Variants in ADAM7 observed in about 807,000 individuals in gnomAD.
The protein encoded by ADAM7 is disintegrin and metalloproteinase domain-containing protein 7.
ADAM7 carries 97 observed loss-of-function variants against 102.9 expected under a neutral mutation model. The ratio of observed to expected loss-of-function variants is 0.94; its 90% CI spans 0.80 to 1.12. The LOEUF is 1.12. ADAM7 is among the 50% of genes most tolerant of loss of function. ADAM7 has a pLI of 0.00. For missense variants in ADAM7, 991 were observed against 908.7 expected (o/e 1.09, Z -1.16); for synonymous variants, 334 against 304.4 (o/e 1.10, Z -1.01).
At chr8:24,489,813 A>G (rs545851667) in intron 12 of ADAM7, among the ~76,000 whole-genome samples, 2 of 152,238 alleles carry the variant, frequency 1.3e-5, no homozygotes, top group Non-Finnish European at 2.9e-5. Flanking sequence ...GGTCTCTGGA[A>G]CATTTAGGAA....
intron 3 of ADAM7, among the ~76,000 whole-genome samples, chr8:24,462,919 T>C (rs1326052058): frequency 6.6e-6 from 1 of 152,178 alleles, no homozygotes; most frequent in Non-Finnish European, 1.5e-5. Flanking sequence ...GGGCATGTTT[T>C]CTATTAATGT....
Position 24,493,134 on chromosome 8 carries a change from A to C in ADAM7, c.1747A>C (p.Lys583Gln), listed in dbSNP as rs1203284842. The C allele has an allele frequency of 3.1e-6, 5 of 1,613,566 alleles. No homozygotes were observed. The South Asian group carries it at 5.5e-5, about 18-fold the overall frequency. The change falls in exon 16 of 22, where the codon AAG becomes CAG. Residue 583 changes from lysine to glutamine, a missense_variant. Coordinates refer to ENST00000175238, the MANE Select transcript of ADAM7 (RefSeq NM_003817.4). ...DKTYHLKDPQ[K>Q]NATVKCKTIF... ...GACTTATCACCTTAAGGATCCCCAG[A>C]AGAATGCTACTGTCAAATGCAAAAC...
rs1475680183 is a variant in ADAM7, at chr8:24,489,228, A to G, written c.1161A>G (p.Pro387=). The G allele has an allele frequency of 1.2e-6, 2 of 1,613,738 alleles. No homozygotes were observed. Among genetic ancestry groups the G allele is most frequent in the Non-Finnish European group, 1.7e-6 (2 of 1,179,752 alleles). ...QYHQYLKDYK[P]TCMLNIPFPY... is the part of the protein sequence containing the mutation. Reference sequence around the variant, plus strand: ...ACCAGTACTTGAAGGATTATAAGCCAACATGCATGCTCAACATTCCATTTC... The same window carrying G: ...ACCAGTACTTGAAGGATTATAAGCCGACATGCATGCTCAACATTCCATTTC... The change falls in exon 12 of 22, where the codon CCA becomes CCG. Residue 387 remains proline, a synonymous_variant. Transcript: ENST00000175238.
At chr8:24,464,014 T>C in intron 4 of ADAM7, 54 bp downstream of exon 4, 1 of 1,509,436 alleles carries the variant, frequency 6.6e-7, no homozygotes, top group South Asian at 1.1e-5. Context: ...TTTCCTGATG[T>C]GATTTTGAAA....
chr8:24,461,377 T>C (rs1819237356), intron 3 of ADAM7, among the ~76,000 whole-genome samples: 1 of 152,136 alleles, frequency 6.6e-6, no homozygotes, highest in Non-Finnish European at 1.5e-5. Flanking sequence ...ATGTTAATGG[T>C]TGTACAAATT....
At chr8:24,443,504 C>T (rs1279445818) in intron 2 of ADAM7, among the ~76,000 whole-genome samples, 1 of 152,214 alleles carries the variant, frequency 6.6e-6, no homozygotes, top group African/African-American at 2.4e-5. Flanking sequence ...ACTCTATTCT[C>T]ACTTTCTCAG....
intron 3 of ADAM7, among the ~76,000 whole-genome samples, chr8:24,451,478 T>G (rs935049758): frequency 1.9e-4 from 29 of 152,240 alleles, no homozygotes; most frequent in South Asian, 1.9e-3. Context: ...TTGTATTTCT[T>G]TGGGATCGGT....
In ADAM7 at chr8:24,468,815, A is replaced by G; in HGVS notation, c.628A>G (p.Thr210Ala). 1.2e-6 allele frequency: 2 copies of G among 1,612,792 alleles called. No individual in the cohort carries two copies. The highest frequency in any genetic ancestry group is 2.2e-5 in the South Asian group (2 of 90,942). ...TGAATTGTTCATTGTTGCTGATGAT[A>G]CTGTGGTAAGTTTTCAATAGAACAT... is the stretch of plus-strand genomic sequence containing the variant. ...YVELFIVADD[T>A]VYRRNGHPHN... Residue 210 changes from threonine (T) to alanine (A), a missense_variant, in exon 7 of 22, where the codon ACT becomes GCT. By Grantham distance (58) the Thr-to-Ala change is moderately conservative. Coordinates refer to ENST00000175238, the MANE Select transcript of ADAM7 (RefSeq NM_003817.4).
intron 5 of ADAM7, among the ~76,000 whole-genome samples, chr8:24,466,160 A>T (rs1819416969): frequency 6.6e-6 from 1 of 152,194 alleles, no homozygotes; most frequent in African/African-American, 2.4e-5. Context: ...TAGTTTTGTG[A>T]ATTCCCATTA....
rs116084091 is a variant in ADAM7, at chr8:24,443,387, T to C, written c.156+811T>C. Reference sequence around the variant, plus strand: ...ACTTTTCTAAACAGTCCCACTGAGATCTGTTTCCTATGGCTTGAGATGATT... The same window carrying C: ...ACTTTTCTAAACAGTCCCACTGAGACCTGTTTCCTATGGCTTGAGATGATT... On this transcript the variant is annotated intron_variant, in intron 2 of 21. Transcript: ENST00000175238. Among the ~76,000 whole-genome samples, 250 of 152,344 alleles carry C rather than the reference T, an allele frequency of 1.6e-3. 2 individuals carry two copies. Among genetic ancestry groups the C allele is most frequent in the African/African-American group, 5.6e-3 (234 of 41,586 alleles).
At chr8:24,494,544 C>T (rs754933979) in intron 16 of ADAM7, among the ~76,000 whole-genome samples, 1 of 152,148 alleles carries the variant, frequency 6.6e-6, no homozygotes, top group African/African-American at 2.4e-5. Flanking sequence ...TCTCCATCTC[C>T]CAAGTACACT....
intron 12 of ADAM7, among the ~76,000 whole-genome samples, chr8:24,489,995 T>TA (rs1165269919): frequency 6.6e-6 from 1 of 152,200 alleles, no homozygotes; most frequent in East Asian, 1.9e-4. Context: ...TCAGATTCAG[T>TA]AAGTATGGAG....
At chr8:24,490,042 G>A (rs1820287521) in intron 12 of ADAM7, among the ~76,000 whole-genome samples, 1 of 152,114 alleles carries the variant, frequency 6.6e-6, no homozygotes, top group Admixed American at 6.5e-5. Context: ...TAGCTTCAAG[G>A]TTACACTGAT....
intron 3 of ADAM7, among the ~76,000 whole-genome samples, chr8:24,456,862 CAT>C (rs1161989130): frequency 1.3e-5 from 2 of 152,152 alleles, no homozygotes; most frequent in Admixed American, 6.5e-5. Context: ...TATTGATAGA[CAT>C]GTGGGCTGTT....
chr8:24,479,258 GGTGA>G (rs1349487139), intron 8 of ADAM7, among the ~76,000 whole-genome samples: 3 of 152,026 alleles, frequency 2.0e-5, no homozygotes, highest in African/African-American at 7.2e-5. Flanking sequence ...TGGGTCATTG[GGTGA>G]GTATTTCTCA....
rs536229556 is a variant in ADAM7, at chr8:24,466,772, T to C, written c.390-27T>C. ...AAATAGAGTAATTATAGGCCTTGAA[T>C]ACAAATTGTGTTCCCAATTTCTACA... On this transcript the variant is annotated intron_variant, in intron 5 of 21. Coordinates refer to ENST00000175238, the MANE Select transcript of ADAM7 (RefSeq NM_003817.4). The C allele has an allele frequency of 3.1e-6, 5 of 1,598,826 alleles. No individual in the cohort carries two copies. The South Asian group carries it at 3.4e-5, about 11-fold the overall frequency.
At chr8:24,449,195 A>G (rs1404970293) in intron 3 of ADAM7, among the ~76,000 whole-genome samples, 1 of 152,180 alleles carries the variant, frequency 6.6e-6, no homozygotes, top group African/African-American at 2.4e-5. Flanking sequence ...GTCAAATGGT[A>G]TTTCTAGTTC....
At chr8:24,507,644 T>C in intron 21 of ADAM7, 109 bp downstream of exon 21, 1 of 855,378 alleles carries the variant, frequency 1.2e-6, no homozygotes, top group South Asian at 1.7e-5. Context: ...TCTGTACTTA[T>C]CACAACAGAT....
intron 4 of ADAM7, among the ~76,000 whole-genome samples, 160 bp downstream of exon 4, chr8:24,464,120 C>A (rs374550095): frequency 6.6e-6 from 1 of 152,158 alleles, no homozygotes; most frequent in Admixed American, 6.5e-5. Context: ...TATAAAAATA[C>A]GATTGTGTGG....
Sources: allele counts gnomAD v4.1 joint callset (sites outside exome capture counted in the v4.1 genomes callset), GRCh38; gene constraint gnomAD v4.1.1; transcripts MANE v1.5; gene names NCBI Gene and HGNC (gene_info 2026-07-23, HGNC 2026-07-21).